Variants in TBC1D26 observed in about 807,000 individuals in gnomAD.
TBC1D26 encodes TBC1 domain family member 26.
TBC1D26 carries 19 observed loss-of-function variants against 42.5 expected under a neutral mutation model. The ratio of observed to expected loss-of-function variants is 0.45; its 90% CI spans 0.31 to 0.66. TBC1D26 has a LOEUF of 0.66. Among genes scored for constraint, TBC1D26 ranks in the 30% least tolerant of loss-of-function variants. The pLI, the probability that TBC1D26 is intolerant of heterozygous loss-of-function variation, is 0.06. For synonymous variants in TBC1D26, 97 were observed against 123.5 expected (o/e 0.79, Z 1.42); for missense variants, 228 against 332.6 (o/e 0.69, Z 2.45).
In TBC1D26 at chr17:15,737,445, C is replaced by A. The variant is rs1308996724; in HGVS notation, c.159-39C>A. 5 of 1,578,034 alleles carry A rather than the reference C, an allele frequency of 3.2e-6. No homozygotes were observed. In the South Asian group the frequency reaches 3.4e-5, roughly 11 times the overall value. On this transcript the variant is annotated intron_variant, in intron 4 of 14. Coordinates refer to ENST00000437605, the MANE Select transcript of TBC1D26 (RefSeq NM_001388465.1). ...TCTCAGGGAGAGGGATGGCTCCTGG[C>A]CTGGGCAGGTCCTCAGCTCTGCCTG...
At position 15,740,140 on chromosome 17, in the gene TBC1D26, T is replaced by C; in HGVS notation, c.538T>C (p.Tyr180His). Residue 180 changes from tyrosine (Y) to histidine (H), a missense_variant, in exon 9 of 15, where the codon TAT (tyrosine) becomes CAT (histidine). This residue lies in a region of TBC1D26 where 130 missense variants were observed against 168.5 expected (regional missense o/e 0.77). Coordinates refer to ENST00000437605, the MANE Select transcript of TBC1D26 (RefSeq NM_001388465.1). ...LCDILVAYSA[Y>H]NPEVGYHRDL... ...TGACATCCTCGTGGCCTATTCTGCA[T>C]ATAACCCTGTGAGTATTCCCGGGCA... The C allele has an allele frequency of 6.2e-7, 1 of 1,614,188 alleles. No homozygotes were observed. Among genetic ancestry groups the C allele is most frequent in the Non-Finnish European group, 8.5e-7 (1 of 1,180,014 alleles).
rs569609881 is a variant in TBC1D26 at position 15,737,632 on chromosome 17, C to T, written c.198+109C>T. ...GGCCTGTGTGGTGGTGAGTGGGCCA[C>T]GGCTGTCACTGGGAGGGGTGGCCTT... On this transcript the variant is annotated intron_variant, in intron 5 of 14. Coordinates refer to ENST00000437605, the MANE Select transcript of TBC1D26 (RefSeq NM_001388465.1). 1.1e-3 allele frequency: 1,427 copies of T among 1,263,998 alleles called. 7 individuals carry two copies. The highest frequency in any genetic ancestry group is 4.4e-3 in the Middle Eastern group (16 of 3,668). The allele number at this position is 1,263,998 out of a possible 1,614,324, so 78.3% of individuals were successfully genotyped here.
At chr17:15,735,462 C>T (rs761295151) in intron 3 of TBC1D26, 39 bp downstream of exon 3, 11 of 1,585,918 alleles carry the variant, frequency 6.9e-6, no homozygotes, top group East Asian at 2.2e-5. Context: ...AGCAGGGCCT[C>T]GCCTCTCCCG....
At chr17:15,739,585 A>G (rs1240394792) in intron 8 of TBC1D26, among the ~76,000 whole-genome samples, 1 of 152,292 alleles carries the variant, frequency 6.6e-6, no homozygotes, top group Non-Finnish European at 1.5e-5. Flanking sequence ...GCCAGACCCA[A>G]CAGGCTACCA....
rs767792398 is a variant in TBC1D26, at chr17:15,741,134, C to T, written c.559C>T (p.His187Tyr). ...YSAYNPEVGY[H>Y]RDLSRITAIL... Reference sequence around the variant, plus strand: ...CTGGCTCTTGCAGGAGGTGGGCTACCACAGGGACCTGAGCCGCATCACTGC... The same window carrying T: ...CTGGCTCTTGCAGGAGGTGGGCTACTACAGGGACCTGAGCCGCATCACTGC... The change falls in exon 10 of 15, where the codon CAC becomes TAC. Residue 187 changes from histidine to tyrosine, a missense_variant. Transcript: ENST00000437605. 2 of 1,611,740 alleles carry T rather than the reference C, an allele frequency of 1.2e-6. No homozygotes were observed. Among genetic ancestry groups the T allele is most frequent in the Non-Finnish European group, 1.7e-6 (2 of 1,179,936 alleles).
At position 15,738,083 on chromosome 17, in the gene TBC1D26, A is replaced by G. The variant is rs371865320; in HGVS notation, c.279+6A>G. 1.2e-5 allele frequency: 19 copies of G among 1,614,090 alleles called. 1 individual carries two copies. In the African/African-American group the frequency reaches 2.1e-4, roughly 18 times the overall value. ...AATATAGGAGCACCAAGAAGGTAAC[A>G]TGGGGAGGAAGTGGCCCGCGTGACT... On this transcript the variant is annotated splice_donor_region_variant and intron_variant, in intron 6 of 14. Transcript: ENST00000437605.
chr17:15,735,456 G>C (rs776180360), intron 3 of TBC1D26, 33 bp downstream of exon 3: 17 of 1,596,726 alleles, frequency 1.1e-5, no homozygotes, highest in African/African-American at 1.4e-5. Flanking sequence ...AAGGGAAGCA[G>C]GGCCTCGCCT....
rs377527533 is a variant in TBC1D26 at position 15,737,577 on chromosome 17, T to C, written c.198+54T>C. 1.8e-4 allele frequency: 289 copies of C among 1,606,438 alleles called. No individual in the cohort carries two copies. In the African/African-American group the frequency reaches 3.2e-3, roughly 18 times the overall value. Reference sequence around the variant, plus strand: ...GCTGCTTCAGGGACTGGGAATCGGGTGGTCGGTAAGGCAGAGGGGGTGGCC... The same window carrying C: ...GCTGCTTCAGGGACTGGGAATCGGGCGGTCGGTAAGGCAGAGGGGGTGGCC... On this transcript the variant is annotated intron_variant, in intron 5 of 14. Coordinates refer to ENST00000437605, the MANE Select transcript of TBC1D26 (RefSeq NM_001388465.1).
chr17:15,735,368 C>T lies in TBC1D26; in HGVS notation c.20C>T (p.Pro7Leu), dbSNP rs73978520. The T allele has an allele frequency of 7.7e-4, 1,236 of 1,613,744 alleles. No individual in the cohort carries two copies. The African/African-American group carries it at 0.014, about 18-fold the overall frequency. The change falls in exon 3 of 15, where the codon CCG (proline) becomes CTG (leucine). Residue 7 changes from proline (P) to leucine (L), a missense_variant. Pro to Leu is a moderately conservative substitution (Grantham distance 98, BLOSUM62 -3). Coordinates refer to ENST00000437605, the MANE Select transcript of TBC1D26 (RefSeq NM_001388465.1). Reference protein sequence around the residue: MEMDGDPYNLPAQGQGN... With the variant: MEMDGDLYNLPAQGQGN... ...TGCAGGATGGAGATGGATGGGGACC[C>T]GTATAACCTGCCTGCCCAGGGGCAA...
intron 1 of TBC1D26, among the ~76,000 whole-genome samples, chr17:15,733,320 A>G (rs1434878177): frequency 1.3e-5 from 2 of 152,096 alleles, no homozygotes; most frequent in African/African-American, 4.8e-5. Flanking sequence ...CTCCATCCAT[A>G]GCAGAAATGA....
At chr17:15,741,691 C>T in intron 10 of TBC1D26, 1 of 542,296 alleles carries the variant, frequency 1.8e-6, no homozygotes, top group Non-Finnish European at 3.3e-6. Flanking sequence ...CCACCCTGTT[C>T]TCCCCGCTGG....
In TBC1D26 at chr17:15,737,226, T is replaced by G. The variant is rs1967638958; in HGVS notation, c.159-258T>G. Among the ~76,000 whole-genome samples the G allele has an allele frequency of 2.6e-5, 4 of 152,292 alleles. No homozygotes were observed. The South Asian group carries it at 8.3e-4, about 32-fold the overall frequency. ...TCCAGCCCAGGTGGAGCAGCACCAT[T>G]GTGCAGCCCAAGGCACCCCACGGGC... is the stretch of plus-strand genomic sequence containing the variant. On this transcript the variant is annotated intron_variant, in intron 4 of 14. Coordinates refer to ENST00000437605, the MANE Select transcript of TBC1D26 (RefSeq NM_001388465.1).
In TBC1D26 at chr17:15,735,328, G is replaced by A; in HGVS notation, c.-1-20G>A. On this transcript the variant is annotated intron_variant, in intron 2 of 14. Transcript: ENST00000437605. ...GAGCTCTTGGGTGCGGGAGAGCCTT[G>A]GGATGACTTTGTCTTGCAGGATGGA... The A allele has an allele frequency of 5.6e-6, 9 of 1,613,482 alleles. No individual in the cohort carries two copies. Among genetic ancestry groups the A allele is most frequent in the Non-Finnish European group, 7.6e-6 (9 of 1,179,600 alleles).
At chr17:15,734,760 G>A (rs577448999) in intron 1 of TBC1D26, 170 bp from the exon 2 acceptor site, 17 of 172,008 alleles carry the variant, frequency 9.9e-5, no homozygotes, top group South Asian at 5.6e-4. Flanking sequence ...CACCGTCCTC[G>A]ACCTGCGACG....
At chr17:15,741,009 G>A in intron 9 of TBC1D26, 113 bp from the exon 10 acceptor site, 2 of 1,408,842 alleles carry the variant, frequency 1.4e-6, no homozygotes, top group South Asian at 1.3e-5. Flanking sequence ...AATCCCCTGG[G>A]GCCTGAGGCA....
In TBC1D26 at chr17:15,743,573, G is replaced by C. The variant is rs747432390; in HGVS notation, c.1057+57G>C. The C allele has an allele frequency of 3.9e-5, 29 of 749,820 alleles. No homozygotes were observed. In the Middle Eastern group the frequency reaches 1.5e-3, roughly 39 times the overall value. 46.4% of individuals were successfully genotyped at this position (749,820 alleles called of 1,614,324 possible). On this transcript the variant is annotated intron_variant, in intron 14 of 14. Transcript: ENST00000437605. The stretch of plus-strand genomic sequence containing the variant: ...CACCCTCTGGGGCAGTCAATGGTGG[G>C]GAGTGCCGTGGCCCCGCCAGCCCTC...
At chr17:15,736,760 TC>T (rs1319279401) in intron 4 of TBC1D26, among the ~76,000 whole-genome samples, 1 of 152,274 alleles carries the variant, frequency 6.6e-6, no homozygotes. Context: ...GCCCTGGGTG[TC>T]TCCCCAGCAG....
intron 9 of TBC1D26, chr17:15,740,405 G>A (rs3744331): frequency 0.38 from 533,652 of 1,414,648 alleles, 104,569 homozygotes; most frequent in Non-Finnish European, 0.41. Context: ...AGCTTGGCAG[G>A]GTCCCACACA....
chr17:15,741,864 C>T, intron 10 of TBC1D26, 78 bp from the exon 11 acceptor site: 2 of 1,478,044 alleles, frequency 1.4e-6, no homozygotes, highest in Non-Finnish European at 1.9e-6. Flanking sequence ...GGTCCCCTGC[C>T]CTGCCCAGCT....
Sources: allele counts gnomAD v4.1 joint callset (sites outside exome capture counted in the v4.1 genomes callset), GRCh38; gene constraint gnomAD v4.1.1; regional missense constraint gnomAD v4.1.1; transcripts MANE v1.5; gene names NCBI Gene and HGNC (gene_info 2026-07-23, HGNC 2026-07-21).